FAM184A: variants seen among roughly 807,000 people sequenced by gnomAD.
FAM184A encodes the protein protein FAM184A.
A neutral mutation model predicts 143.8 loss-of-function variants in FAM184A; 99 were observed. The observed-to-expected ratio is 0.69, with a 90% CI of 0.58 to 0.81. The LOEUF (loss-of-function observed/expected upper bound fraction) is 0.81. Among genes scored for constraint, FAM184A ranks in the 40% least tolerant of loss-of-function variants. The pLI, the probability that FAM184A is intolerant of heterozygous loss-of-function variation, is 0.00. For missense variants in FAM184A, 1,217 were observed against 1,310.5 expected (o/e 0.93, Z 1.10); for synonymous variants, 427 against 446.4 (o/e 0.96, Z 0.55).
chr6:119,083,195 C>T (rs1166577689), upstream of FAM184A, among the ~76,000 whole-genome samples: 1 of 152,228 alleles, frequency 6.6e-6, no homozygotes, highest in African/African-American at 2.4e-5. Flanking sequence ...GTGGCAAGGC[C>T]TTGGGCCCAG....
intron 9 of FAM184A, among the ~76,000 whole-genome samples, chr6:118,988,307 T>C (rs898277306): frequency 6.6e-6 from 1 of 152,206 alleles, no homozygotes; most frequent in Non-Finnish European, 1.5e-5. Context: ...GTCTAAATTA[T>C]CTATAATCCC....
At chr6:119,045,799 A>G (rs529014358) in intron 1 of FAM184A, among the ~76,000 whole-genome samples, 4 of 151,706 alleles carry the variant, frequency 2.6e-5, no homozygotes, top group Non-Finnish European at 5.9e-5. Flanking sequence ...AAGCCAATTA[A>G]AAAAAATTTA....
At chr6:119,026,906 C>T (rs1472187053) in intron 1 of FAM184A, among the ~76,000 whole-genome samples, 1 of 152,104 alleles carries the variant, frequency 6.6e-6, no homozygotes. Context: ...AGAGAATCTC[C>T]TTCCCATACT....
intron 14 of FAM184A, among the ~76,000 whole-genome samples, chr6:118,971,072 C>G (rs1783682166): frequency 6.6e-6 from 1 of 152,066 alleles, no homozygotes; most frequent in African/African-American, 2.4e-5. Context: ...GAAAAAACTC[C>G]TATATCATCA....
At chr6:119,114,707 A>C (rs975493705) in intron 1 of FAM184A, among the ~76,000 whole-genome samples, 8 of 151,784 alleles carry the variant, frequency 5.3e-5, no homozygotes, top group Non-Finnish European at 1.2e-4. Flanking sequence ...ATGCCTGGCT[A>C]ATTGTTGTAT....
intron 1 of FAM184A, among the ~76,000 whole-genome samples, chr6:119,101,026 T>C (rs1367986507): frequency 6.6e-6 from 1 of 151,198 alleles, no homozygotes; most frequent in African/African-American, 2.4e-5. Context: ...TCTATGAAAA[T>C]AGTAATCCCC....
At chr6:118,969,865 T>A (rs1783622337) in intron 14 of FAM184A, among the ~76,000 whole-genome samples, 1 of 145,380 alleles carries the variant, frequency 6.9e-6, no homozygotes, top group African/African-American at 2.6e-5. Context: ...TTCTCCTTGT[T>A]CAACTCCCAC....
chr6:119,001,811 T>C (rs551500557), intron 9 of FAM184A, among the ~76,000 whole-genome samples: 4 of 152,256 alleles, frequency 2.6e-5, no homozygotes, highest in African/African-American at 9.6e-5. Context: ...CGTCTAACAA[T>C]AGGGGATCAG....
chr6:119,052,573 T>C (rs1286084784), intron 1 of FAM184A, among the ~76,000 whole-genome samples: 1 of 152,216 alleles, frequency 6.6e-6, no homozygotes. Context: ...GAACCCTTGC[T>C]TGCAGCCTGC....
At chr6:119,127,203 C>T (rs1291580729) in intron 1 of FAM184A, among the ~76,000 whole-genome samples, 1 of 152,244 alleles carries the variant, frequency 6.6e-6, no homozygotes, top group Admixed American at 6.5e-5. Context: ...TAGAATTTCT[C>T]TGCCTCCTGT....
upstream of FAM184A, among the ~76,000 whole-genome samples, chr6:119,081,067 G>A (rs909632576): frequency 1.3e-5 from 2 of 152,156 alleles, no homozygotes; most frequent in African/African-American, 4.8e-5. Flanking sequence ...GTAACTCACT[G>A]TCATGAGAAC....
intron 1 of FAM184A, among the ~76,000 whole-genome samples, chr6:119,059,557 T>C (rs1787141799): frequency 6.6e-6 from 1 of 152,214 alleles, no homozygotes; most frequent in East Asian, 1.9e-4. Flanking sequence ...GTTTCCAACT[T>C]ATTTGTTTTA....
chr6:119,094,245 G>A (rs531523215), intron 1 of FAM184A, among the ~76,000 whole-genome samples: 2 of 152,056 alleles, frequency 1.3e-5, no homozygotes, highest in South Asian at 2.1e-4. Flanking sequence ...CCCGACTGCC[G>A]TTTTGCTACA....
At chr6:119,062,520 G>T (rs184210432) in intron 1 of FAM184A, among the ~76,000 whole-genome samples, 21 of 152,184 alleles carry the variant, frequency 1.4e-4, no homozygotes, top group African/African-American at 5.1e-4. Flanking sequence ...TTAGCCGGGT[G>T]TGGTGGTGTG....
rs530988472 is a variant in FAM184A, at chr6:119,090,558, T to A, written c.-202+58520A>T. Among the ~76,000 whole-genome samples, 12 of 152,358 alleles carry A rather than the reference T, an allele frequency of 7.9e-5. No individual in the cohort carries two copies. The South Asian group carries it at 2.5e-3, about 32-fold the overall frequency. Reference sequence around the variant, plus strand: ...TCTCCTACAATCTATCCCTTACCTTTCAGATCCATTTTTGCTCTATATGAA... The same window carrying A: ...TCTCCTACAATCTATCCCTTACCTTACAGATCCATTTTTGCTCTATATGAA... On this transcript the variant is annotated intron_variant, in intron 1 of 16. Transcript: ENST00000352896.
intron 7 of FAM184A, 85 bp from the exon 8 acceptor site, chr6:119,003,707 A>G: frequency 7.5e-7 from 1 of 1,327,324 alleles, no homozygotes; most frequent in Non-Finnish European, 9.9e-7. Context: ...TGCTTGTATT[A>G]AAACTTTTAA....
At chr6:119,087,475 A>G (rs531389783) in intron 1 of FAM184A, among the ~76,000 whole-genome samples, 2 of 152,356 alleles carry the variant, frequency 1.3e-5, no homozygotes, top group South Asian at 2.1e-4. Context: ...TGGCTAATAA[A>G]CACATAAAAA....
chr6:119,006,033 A>G (rs1376754316), intron 7 of FAM184A: 4 of 757,974 alleles, frequency 5.3e-6, no homozygotes, highest in Admixed American at 5.2e-5. Flanking sequence ...TACAGTCAGT[A>G]CAGATGTATT....
In FAM184A at chr6:119,024,828, A is replaced by G. The variant is rs374177114; in HGVS notation, c.160-15T>C. ...GCATATATTACCTGCATGGTTTTGA[A>G]TAAGAAGGGAGAAGGATTGTGAATC... is the stretch of plus-strand genomic sequence containing the variant. On this transcript the variant is annotated splice_polypyrimidine_tract_variant and intron_variant, in intron 1 of 17. Coordinates refer to ENST00000338891, the MANE Select transcript of FAM184A (RefSeq NM_024581.6). 128 of 1,561,932 alleles carry G rather than the reference A, an allele frequency of 8.2e-5. 3 individuals are homozygous for G. The Middle Eastern group carries it at 1.6e-3, about 19-fold the overall frequency.
Sources: gnomAD v4.1 joint callset for allele counts (sites outside exome capture counted in the v4.1 genomes callset) on GRCh38, gnomAD v4.1.1 for gene constraint, MANE v1.5 for transcripts, NCBI Gene and HGNC (gene_info 2026-07-23, HGNC 2026-07-21) for gene names.